Variants in ANO6 observed in about 807,000 individuals in gnomAD.
ANO6 encodes anoctamin-6.
In ANO6, 106 loss-of-function variants were observed where a neutral mutation model predicts 117.5. The ratio of observed to expected loss-of-function variants is 0.90; its 90% confidence interval spans 0.77 to 1.06. ANO6 has a LOEUF of 1.06. ANO6 is among the 50% of genes least tolerant of loss of function. The probability of loss-of-function intolerance (pLI) is 0.00; values close to 1 mark genes in which losing one functional copy is unlikely to be tolerated. For missense variants in ANO6, 955 were observed against 1,121.1 expected, an observed-to-expected ratio of 0.85 and a Z score of 2.12; for synonymous variants, 367 against 385.1, an observed-to-expected ratio of 0.95 and a Z score of 0.55.
intron 19 of ANO6, among the ~76,000 whole-genome samples, chr12:45,428,236 A>AGT (rs1316466301): frequency 1.3e-5 from 2 of 152,254 alleles, no homozygotes. Flanking sequence ...AATAAATTAT[A>AGT]GTGTAGTCAC....
At chr12:45,316,919 CTG>C (rs1429231520) in intron 2 of ANO6, among the ~76,000 whole-genome samples, 1 of 148,868 alleles carries the variant, frequency 6.7e-6, no homozygotes, top group Non-Finnish European at 1.5e-5. Context: ...GTGGATATAT[CTG>C]TTGATATCTA....
chr12:45,287,842 T>C (rs933131903), intron 1 of ANO6, among the ~76,000 whole-genome samples: 3 of 152,190 alleles, frequency 2.0e-5, no homozygotes, highest in East Asian at 1.9e-4. Flanking sequence ...TATTAAAATA[T>C]TAAAGATCAC....
intron 1 of ANO6, among the ~76,000 whole-genome samples, chr12:45,271,640 A>AAT (rs1938397131): frequency 6.6e-6 from 1 of 152,150 alleles, no homozygotes; most frequent in Non-Finnish European, 1.5e-5. Context: ...TTACTGGAAA[A>AAT]GTATTTTCAG....
chr12:45,370,896 C>T (rs1941808581), intron 9 of ANO6, among the ~76,000 whole-genome samples: 1 of 152,140 alleles, frequency 6.6e-6, no homozygotes, highest in South Asian at 2.1e-4. Context: ...TCTACAGCTC[C>T]CAGCCTGAGC....
At chr12:45,376,116 G>A (rs1488620754) in intron 9 of ANO6, among the ~76,000 whole-genome samples, 2 of 151,480 alleles carry the variant, frequency 1.3e-5, no homozygotes, top group African/African-American at 4.9e-5. Flanking sequence ...CATCATCACT[G>A]GCCATCAGAG....
At chr12:45,439,575 T>C (rs1485610298) in intron 19 of ANO6, 10 of 1,116,464 alleles carry the variant, frequency 9.0e-6, no homozygotes, top group Non-Finnish European at 1.2e-5. Flanking sequence ...CAAAGGTAAA[T>C]ACTAACACTC....
intron 1 of ANO6, among the ~76,000 whole-genome samples, chr12:45,216,788 G>C (rs1261364382): frequency 6.6e-6 from 1 of 152,238 alleles, no homozygotes; most frequent in Non-Finnish European, 1.5e-5. Flanking sequence ...GCGGGGTCCG[G>C]GGAGCAGGCC....
At chr12:45,331,449 C>CT in intron 3 of ANO6, 26 bp downstream of exon 3, 2 of 1,570,296 alleles carry the variant, frequency 1.3e-6, no homozygotes, top group Middle Eastern at 3.5e-4. Context: ...ATTTTCCTTT[C>CT]TTTTTATTTC....
At chr12:45,302,898 C>T (rs1436003300) in intron 2 of ANO6, among the ~76,000 whole-genome samples, 1 of 152,166 alleles carries the variant, frequency 6.6e-6, no homozygotes, top group East Asian at 1.9e-4. Context: ...TGGCCTACCA[C>T]TTTAGGAGTG....
At position 45,348,264 on chromosome 12, in the gene ANO6, T is replaced by C; in HGVS notation, c.582T>C (p.Phe194=). ...TTGAGAAGAACCGGATGAATGATTT[T>C]TACATAGTTGATAGAGATGCTTTCT... ...APFEKNRMND[F]YIVDRDAFFN... Residue 194 remains phenylalanine, a synonymous_variant, in exon 5 of 20, where the codon TTT becomes TTC. Coordinates refer to ENST00000320560, the MANE Select transcript of ANO6 (RefSeq NM_001025356.3). 1 of 1,614,080 alleles carries C rather than the reference T, an allele frequency of 6.2e-7. No homozygotes were observed. Among genetic ancestry groups the C allele is most frequent in the Non-Finnish European group, 8.5e-7 (1 of 1,179,972 alleles).
At chr12:45,398,462 G>A (rs1942690669) in intron 12 of ANO6, among the ~76,000 whole-genome samples, 1 of 152,158 alleles carries the variant, frequency 6.6e-6, no homozygotes. Context: ...AGGCAGCTTA[G>A]CAATTGTGTT....
intron 12 of ANO6, among the ~76,000 whole-genome samples, chr12:45,394,231 G>A (rs1942544505): frequency 6.6e-6 from 1 of 152,178 alleles, no homozygotes; most frequent in South Asian, 2.1e-4. Context: ...AACCAACAAA[G>A]ATCAAAAGAG....
chr12:45,394,083 G>C (rs7138476), intron 12 of ANO6, among the ~76,000 whole-genome samples: 12,045 of 152,204 alleles, frequency 0.079, 754 homozygotes, highest in African/African-American at 0.17. Context: ...CCATCAGTGT[G>C]CTGAATTGAG....
chr12:45,385,936 G>A (rs1187072611), intron 10 of ANO6, among the ~76,000 whole-genome samples: 2 of 152,122 alleles, frequency 1.3e-5, no homozygotes, highest in Non-Finnish European at 2.9e-5. Context: ...CTCCTTACAG[G>A]TGCATCCCAA....
intron 2 of ANO6, among the ~76,000 whole-genome samples, chr12:45,310,778 A>T (rs1401840852): frequency 6.6e-6 from 1 of 152,040 alleles, no homozygotes; most frequent in Non-Finnish European, 1.5e-5. Flanking sequence ...AGGGACTGGG[A>T]CAGCTGCCAG....
chr12:45,388,301 C>G lies in ANO6; in HGVS notation c.1306C>G (p.Gln436Glu). ...TCACGTAGTGATAAATGAGATTACT[C>G]AGGTAAGCAGGGTCGTATTTAGGTG... is the stretch of plus-strand genomic sequence containing the variant. Reference protein sequence around the residue: ...CTHVVINEITQEEERIPFTAW... With the variant: ...CTHVVINEITEEEERIPFTAW... Residue 436 changes from glutamine (Q) to glutamate (E), a missense_variant and splice_region_variant, in exon 11 of 20, where the codon CAG becomes GAG. Gln to Glu is a conservative substitution (Grantham distance 29, BLOSUM62 2). Coordinates refer to ENST00000320560, the MANE Select transcript of ANO6 (RefSeq NM_001025356.3). 4 of 1,613,926 alleles carry G rather than the reference C, an allele frequency of 2.5e-6. No individual in the cohort carries two copies. Among genetic ancestry groups the G allele is most frequent in the Non-Finnish European group, 3.4e-6 (4 of 1,179,868 alleles).
rs1269009512 is a variant in ANO6, at chr12:45,316,350, G to A, written c.150+14257G>A. 2.6e-5 allele frequency among the ~76,000 whole-genome samples: 4 copies of A among 152,166 alleles called. 1 individual carries two copies. In the East Asian group the frequency reaches 7.7e-4, roughly 29 times the overall value. The stretch of plus-strand genomic sequence containing the variant: ...AAGTGACATTTAAGGAGAAGTATAA[G>A]GTGTGCTGTGAGCATATAAGGAGTA... On this transcript the variant is annotated intron_variant, in intron 2 of 19. Transcript: ENST00000320560.
intron 1 of ANO6, among the ~76,000 whole-genome samples, chr12:45,284,630 G>A (rs1317626401): frequency 6.6e-6 from 1 of 152,210 alleles, no homozygotes; most frequent in African/African-American, 2.4e-5. Flanking sequence ...CCATTTGCAG[G>A]CATCTGTTCT....
At chr12:45,224,751 T>C (rs935933210) in intron 1 of ANO6, among the ~76,000 whole-genome samples, 6 of 152,216 alleles carry the variant, frequency 3.9e-5, no homozygotes, top group Non-Finnish European at 8.8e-5. Flanking sequence ...GTTGCAGCAG[T>C]CACATATGTC....
Sources: gnomAD v4.1 joint callset for allele counts (sites outside exome capture counted in the v4.1 genomes callset) on GRCh38, gnomAD v4.1.1 for gene constraint, MANE v1.5 for transcripts, NCBI Gene and HGNC (gene_info 2026-07-23, HGNC 2026-07-21) for gene names.